The following MCCC2 variants were observed in gnomAD, a reference collection of about 807,000 sequenced individuals.
The protein encoded by MCCC2 is methylcrotonoyl-CoA carboxylase beta chain, mitochondrial.
Under a neutral mutation model 77.2 loss-of-function variants are expected in MCCC2, and 52 were observed. That is an observed-to-expected ratio of 0.67 (90% CI 0.54 to 0.85). The LOEUF (loss-of-function observed/expected upper bound fraction) is 0.85, where lower values mean the gene tolerates loss of function less well. Among genes scored for constraint, MCCC2 ranks in the 40% least tolerant of loss-of-function variants. The pLI is 0.00. For synonymous variants in MCCC2, 253 were observed against 248.4 expected (o/e 1.02, Z -0.18); for missense variants, 682 against 703.2 (o/e 0.97, Z 0.34).
Position 71,655,075 on chromosome 5 carries a change from C to T in MCCC2, c.1575-1668C>T, listed in dbSNP as rs1305805137. 3.9e-5 allele frequency among the ~76,000 whole-genome samples: 6 copies of T among 152,308 alleles called. No homozygotes were observed. The South Asian group carries it at 6.2e-4, about 16-fold the overall frequency. Reference sequence around the variant, plus strand: ...TCTCGAACTCCCAACCTCAGGTGATCCACCCGCCTCGGCTTCCCAAAGTAC... The same window carrying T: ...TCTCGAACTCCCAACCTCAGGTGATTCACCCGCCTCGGCTTCCCAAAGTAC... On this transcript the variant is annotated intron_variant, in intron 16 of 16. Transcript: ENST00000340941.
At chr5:71,602,704 G>A in intron 5 of MCCC2, 71 bp downstream of exon 5, 1 of 1,604,432 alleles carries the variant, frequency 6.2e-7, no homozygotes, top group Admixed American at 1.7e-5. Flanking sequence ...AAGGCTGTAT[G>A]TATTACATTT....
chr5:71,633,125 A>ATTTTTTTT (rs1398247533), intron 8 of MCCC2, among the ~76,000 whole-genome samples: 816 of 42,762 alleles, frequency 0.019, 45 homozygotes, highest in East Asian at 0.086. Flanking sequence ...ATATATATAT[A>ATTTTTTTT]TATATATTTT....
chr5:71,622,849 G>A (rs1249199078), intron 6 of MCCC2, among the ~76,000 whole-genome samples: 2 of 152,306 alleles, frequency 1.3e-5, no homozygotes, highest in East Asian at 3.9e-4. Flanking sequence ...GCTCACGCCT[G>A]TAATCCCAGC....
chr5:71,643,645 A>G lies in MCCC2; in HGVS notation c.1073-174A>G, dbSNP rs142806383. 2.2e-4 allele frequency: 274 copies of G among 1,252,658 alleles called. No homozygotes were observed. In the African/African-American group the frequency reaches 3.7e-3, roughly 17 times the overall value. The allele number at this position is 1,252,658 out of a possible 1,614,324, so 77.6% of individuals were successfully genotyped here. ...CTAGAAGCAAAAGAAACCAGAGTCT[A>G]GGACCTTAGGAACAAGAAGATTGTG... is the stretch of plus-strand genomic sequence containing the variant. On this transcript the variant is annotated intron_variant, in intron 11 of 16. Transcript: ENST00000340941.
rs772862330 is a variant in MCCC2, at chr5:71,649,217, G to C, written c.1337G>C (p.Gly446Ala). 1.2e-6 allele frequency: 2 copies of C among 1,614,108 alleles called. No individual in the cohort carries two copies. ...KITLIIGGSY[G>A]AGNYGMCGRA... is the part of the protein sequence containing the mutation. The stretch of plus-strand genomic sequence containing the variant: ...ACCCTCATCATTGGGGGCTCCTATG[G>C]AGCCGGAAACTATGGGATGTGTGGC... The change falls in exon 14 of 17, where the codon GGA (glycine) becomes GCA (alanine). Residue 446 changes from glycine (G) to alanine (A), a missense_variant. Physicochemically the swap from Gly to Ala is moderately conservative, Grantham distance 60. Coordinates refer to ENST00000340941, the MANE Select transcript of MCCC2 (RefSeq NM_022132.5).
intron 10 of MCCC2, chr5:71,635,740 C>G: frequency 8.6e-6 from 2 of 233,598 alleles, no homozygotes; most frequent in Non-Finnish European, 1.7e-5. Context: ...TTTAGATGGA[C>G]AACTTTTAGG....
chr5:71,601,834 G>C (rs1046291476), intron 4 of MCCC2, among the ~76,000 whole-genome samples: 2 of 152,292 alleles, frequency 1.3e-5, no homozygotes, highest in South Asian at 4.1e-4. Flanking sequence ...ACCAGCTGTG[G>C]TTGTTGGCCG....
chr5:71,652,243 G>T (rs1747455968), intron 15 of MCCC2, among the ~76,000 whole-genome samples: 1 of 152,112 alleles, frequency 6.6e-6, no homozygotes, highest in African/African-American at 2.4e-5. Context: ...GATTTGGTTG[G>T]TATTTTACCC....
intron 1 of MCCC2, among the ~76,000 whole-genome samples, chr5:71,592,004 G>A (rs1357327994): frequency 6.6e-6 from 1 of 152,178 alleles, no homozygotes; most frequent in Non-Finnish European, 1.5e-5. Flanking sequence ...CTGGGCTTAA[G>A]CGATGCTCCT....
intron 1 of MCCC2, among the ~76,000 whole-genome samples, chr5:71,591,736 C>T (rs985507124): frequency 4.0e-5 from 6 of 151,652 alleles, no homozygotes; most frequent in Non-Finnish European, 7.4e-5. Flanking sequence ...CACGGCTGGC[C>T]GAGTTTTGTT....
chr5:71,629,761 T>C (rs552030575), intron 7 of MCCC2, among the ~76,000 whole-genome samples: 88 of 150,258 alleles, frequency 5.9e-4, no homozygotes, highest in African/African-American at 2.1e-3. Context: ...ATTATTATTA[T>C]TACTATTATT....
chr5:71,608,936 C>A (rs778868746), intron 6 of MCCC2, among the ~76,000 whole-genome samples: 3 of 152,082 alleles, frequency 2.0e-5, no homozygotes, highest in South Asian at 2.1e-4. Context: ...CCGAGAGATC[C>A]GCTGTTAGTC....
At chr5:71,600,329 C>CT (rs1184880302) in intron 4 of MCCC2, among the ~76,000 whole-genome samples, 1 of 151,696 alleles carries the variant, frequency 6.6e-6, no homozygotes, top group Admixed American at 6.6e-5. Context: ...TTCTTTTTTC[C>CT]TTTTTTGTTT....
chr5:71,594,527 CA>C lies in MCCC2; in HGVS notation c.196+1551del, dbSNP rs113897050. Among the ~76,000 whole-genome samples, 730 of 123,224 alleles carry C rather than the reference CA, an allele frequency of 5.9e-3. 10 individuals are homozygous for C. The highest frequency in any genetic ancestry group is 0.022 in the African/African-American group (680 of 31,490). 80.8% of individuals were successfully genotyped at this position (123,224 alleles called of 152,430 possible). On this transcript the variant is annotated intron_variant, in intron 2 of 16. Transcript: ENST00000340941. ...TGGGTAACAGAGCGAAATTCCGTCT[CA>C]AAAAAAAAAAAAAAAGAGGTGGGTT... is the stretch of plus-strand genomic sequence containing the variant.
chr5:71,587,629 A>G, intron 1 of MCCC2, 75 bp downstream of exon 1: 1 of 1,507,854 alleles, frequency 6.6e-7, no homozygotes, highest in South Asian at 1.2e-5. Flanking sequence ...ACGCTTCAAC[A>G]ACTGCTGCTC....
intron 6 of MCCC2, among the ~76,000 whole-genome samples, chr5:71,612,545 A>C (rs772988727): frequency 2.6e-5 from 4 of 152,174 alleles, no homozygotes; most frequent in Non-Finnish European, 5.9e-5. Flanking sequence ...TTTTAGAGAA[A>C]CAGGATCTTG....
intron 13 of MCCC2, among the ~76,000 whole-genome samples, 186 bp downstream of exon 13, chr5:71,646,463 G>A (rs1265586959): frequency 1.3e-5 from 2 of 152,156 alleles, no homozygotes; most frequent in African/African-American, 4.8e-5. Flanking sequence ...ATTCTGAGGA[G>A]ATTATCCATA....
chr5:71,653,590 T>G (rs1747498575), intron 16 of MCCC2, among the ~76,000 whole-genome samples: 1 of 151,988 alleles, frequency 6.6e-6, no homozygotes, highest in Admixed American at 6.6e-5. Context: ...TGGCTCACAC[T>G]TATAATCCCA....
At chr5:71,641,687 A>G (rs931101805) in intron 11 of MCCC2, among the ~76,000 whole-genome samples, 1 of 152,226 alleles carries the variant, frequency 6.6e-6, no homozygotes, top group Non-Finnish European at 1.5e-5. Flanking sequence ...TGCTAGACCC[A>G]TAATAATCTA....
Sources: gnomAD v4.1 joint callset for allele counts (sites outside exome capture counted in the v4.1 genomes callset) on GRCh38, gnomAD v4.1.1 for gene constraint, MANE v1.5 for transcripts, NCBI Gene and HGNC (gene_info 2026-07-23, HGNC 2026-07-21) for gene names.